Variants in CDH18 observed in about 807,000 individuals in gnomAD.
CDH18 encodes the protein cadherin 18.
Under a neutral mutation model 67.9 loss-of-function variants are expected in CDH18, and 31 were observed. The observed-to-expected ratio is 0.46, with a 90% CI of 0.34 to 0.62. CDH18 has a LOEUF of 0.62. Ranked by LOEUF, CDH18 falls within the 20% of genes least tolerant of loss-of-function variation. The probability of loss-of-function intolerance (pLI) is 0.01; values close to 1 mark genes in which losing one functional copy is unlikely to be tolerated. For missense variants in CDH18, 890 were observed against 975.5 expected (o/e 0.91, Z 1.17); for synonymous variants, 362 against 347.2 (o/e 1.04, Z -0.48).
At chr5:20,544,494 G>A (rs1446708443) in intron 1 of CDH18, among the ~76,000 whole-genome samples, 1 of 152,088 alleles carries the variant, frequency 6.6e-6, no homozygotes, top group East Asian at 1.9e-4. Flanking sequence ...GTTCCATATG[G>A]CTGGAGAGGC....
chr5:19,738,143 C>CCTATTTATT (rs1768606871), intron 4 of CDH18, among the ~76,000 whole-genome samples: 4 of 151,834 alleles, frequency 2.6e-5, no homozygotes, highest in Non-Finnish European at 4.4e-5. Flanking sequence ...TAGTTTTAGA[C>CCTATTTATT]ACTTTGTTAG....
chr5:20,318,045 C>G (rs891113187), intron 1 of CDH18, among the ~76,000 whole-genome samples: 1 of 152,140 alleles, frequency 6.6e-6, no homozygotes, highest in East Asian at 1.9e-4. Context: ...AGTTTTTGCT[C>G]CAGAACTTGT....
intron 5 of CDH18, among the ~76,000 whole-genome samples, chr5:19,628,933 A>AAT (rs1414961238): frequency 6.6e-6 from 1 of 152,130 alleles, no homozygotes; most frequent in Non-Finnish European, 1.5e-5. Context: ...AGAAAAAAAA[A>AAT]AAACTAAGAG....
At chr5:20,172,202 A>ACGTATATATACG (rs372430630) in intron 2 of CDH18, among the ~76,000 whole-genome samples, 3 of 46,050 alleles carry the variant, frequency 6.5e-5, no homozygotes, top group African/African-American at 3.8e-4. Context: ...ATATATATAT[A>ACGTATATATACG]TATATATATA....
At chr5:19,621,824 C>T (rs962044184) in intron 5 of CDH18, among the ~76,000 whole-genome samples, 4 of 152,072 alleles carry the variant, frequency 2.6e-5, no homozygotes, top group South Asian at 2.1e-4. Flanking sequence ...TCATTAAGTG[C>T]CATTACCACA....
intron 1 of CDH18, among the ~76,000 whole-genome samples, chr5:20,290,621 C>T (rs1013045823): frequency 1.3e-5 from 2 of 152,118 alleles, no homozygotes; most frequent in African/African-American, 2.4e-5. Flanking sequence ...TGAGCCACAT[C>T]CTGACAAGCA....
chr5:20,417,430 G>C (rs1186624725), intron 1 of CDH18, among the ~76,000 whole-genome samples: 1 of 152,052 alleles, frequency 6.6e-6, no homozygotes, highest in Non-Finnish European at 1.5e-5. Context: ...ATGACTCTTA[G>C]AACTAATATA....
chr5:19,525,319 T>C (rs371327030), intron 9 of CDH18, among the ~76,000 whole-genome samples: 19 of 151,984 alleles, frequency 1.3e-4, no homozygotes, highest in African/African-American at 4.6e-4. Flanking sequence ...ACTCTGTCCA[T>C]TATGACCCAA....
intron 1 of CDH18, among the ~76,000 whole-genome samples, chr5:20,540,905 G>A (rs78057930): frequency 0.012 from 1,793 of 152,268 alleles, 16 homozygotes; most frequent in Non-Finnish European, 0.018. Flanking sequence ...CCACTTGACC[G>A]TCTGAGTATA....
chr5:20,452,461 C>G (rs1750523794), intron 1 of CDH18, among the ~76,000 whole-genome samples: 2 of 152,042 alleles, frequency 1.3e-5, no homozygotes, highest in South Asian at 4.1e-4. Context: ...TTTTCAGGAA[C>G]ATGATGGAGT....
At chr5:19,968,904 G>A (rs1197701890) in intron 2 of CDH18, among the ~76,000 whole-genome samples, 1 of 141,800 alleles carries the variant, frequency 7.1e-6, no homozygotes, top group Non-Finnish European at 1.5e-5. Context: ...GAGTGAACAG[G>A]CAAACTACAA....
At chr5:19,858,148 A>C (rs1784502541) in intron 2 of CDH18, among the ~76,000 whole-genome samples, 1 of 152,126 alleles carries the variant, frequency 6.6e-6, no homozygotes, top group African/African-American at 2.4e-5. Context: ...TAAGATGTAT[A>C]TTGGTTTGGT....
chr5:20,411,086 T>A (rs548017759), intron 1 of CDH18, among the ~76,000 whole-genome samples: 1 of 151,964 alleles, frequency 6.6e-6, no homozygotes, highest in Non-Finnish European at 1.5e-5. Flanking sequence ...ATTAATTTTT[T>A]ATAAAATATA....
At chr5:19,685,742 C>T (rs1761005056) in intron 5 of CDH18, among the ~76,000 whole-genome samples, 1 of 152,190 alleles carries the variant, frequency 6.6e-6, no homozygotes, top group African/African-American at 2.4e-5. Context: ...GGCTTTGGTG[C>T]TATTACATCA....
At chr5:20,259,319 C>A (rs1018484145) in intron 1 of CDH18, among the ~76,000 whole-genome samples, 1 of 152,144 alleles carries the variant, frequency 6.6e-6, no homozygotes, top group Non-Finnish European at 1.5e-5. Flanking sequence ...TGTCGTTATG[C>A]ACCAATCAGA....
chr5:20,349,490 A>G (rs1227236500), intron 1 of CDH18, among the ~76,000 whole-genome samples: 3 of 152,140 alleles, frequency 2.0e-5, no homozygotes, highest in African/African-American at 7.2e-5. Flanking sequence ...TTGATGAAAG[A>G]AAGTGTTTGA....
intron 1 of CDH18, among the ~76,000 whole-genome samples, chr5:20,431,383 C>T (rs1475146885): frequency 1.3e-5 from 2 of 150,522 alleles, no homozygotes; most frequent in Non-Finnish European, 2.9e-5. Flanking sequence ...ATCCCAGCTA[C>T]TTGGGAGGCT....
At chr5:19,730,768 T>TAAA (rs70950092) in intron 4 of CDH18, among the ~76,000 whole-genome samples, 3,295 of 147,008 alleles carry the variant, frequency 0.022, 63 homozygotes, top group African/African-American at 0.047. Context: ...TATTAAATGG[T>TAAA]AAAAAAAAAA....
chr5:19,623,207 G>A (rs905723052), intron 5 of CDH18, among the ~76,000 whole-genome samples: 1 of 152,138 alleles, frequency 6.6e-6, no homozygotes, highest in Non-Finnish European at 1.5e-5. Context: ...TAGAGGATAA[G>A]CAAGTGAAGG....
Sources: allele counts gnomAD v4.1 joint callset (sites outside exome capture counted in the v4.1 genomes callset), GRCh38; gene constraint gnomAD v4.1.1; transcripts MANE v1.5; gene names NCBI Gene and HGNC (gene_info 2026-07-23, HGNC 2026-07-21).